Variants in UNC13C observed in about 807,000 individuals in gnomAD.
UNC13C encodes the protein protein unc-13 homolog C.
In UNC13C, 174 loss-of-function variants were observed where a neutral mutation model predicts 245.4. That is an observed-to-expected ratio of 0.71 (90% confidence interval 0.63 to 0.80). The LOEUF (loss-of-function observed/expected upper bound fraction) is 0.80, where lower values mean the gene tolerates loss of function less well. Among genes scored for constraint, UNC13C ranks in the 30% least tolerant of loss-of-function variants. The pLI is 0.00. For missense variants in UNC13C, 2,829 were observed against 2,602.9 expected (o/e 1.09, Z -1.89); for synonymous variants, 992 against 895.1 (o/e 1.11, Z -1.93).
chr15:54,369,505 C>T (rs1214415848), intron 17 of UNC13C, among the ~76,000 whole-genome samples: 4 of 151,986 alleles, frequency 2.6e-5, no homozygotes, highest in Admixed American at 2.6e-4. Context: ...AAAAATGCAC[C>T]ACAAATTTTA....
At chr15:54,558,004 G>A (rs58942353) in intron 29 of UNC13C, among the ~76,000 whole-genome samples, 3,389 of 151,840 alleles carry the variant, frequency 0.022, 144 homozygotes, top group African/African-American at 0.077. Context: ...TCGCAAGAAC[G>A]AAAAACCAAA....
the UNC13C span, among the ~76,000 whole-genome samples, chr15:53,965,028 CTAA>C: frequency 6.6e-6 from 1 of 152,138 alleles, no homozygotes; most frequent in Non-Finnish European, 1.5e-5. Flanking sequence ...TCTGATTATA[CTAA>C]TAAGTCCAAA....
chr15:54,473,614 C>T (rs1395335560), intron 19 of UNC13C, among the ~76,000 whole-genome samples: 1 of 151,900 alleles, frequency 6.6e-6, no homozygotes, highest in African/African-American at 2.4e-5. Context: ...GCTTATTTGA[C>T]ATCATATAAT....
chr15:54,138,826 C>G (rs978091348), intron 2 of UNC13C, among the ~76,000 whole-genome samples: 1 of 151,864 alleles, frequency 6.6e-6, no homozygotes, highest in Non-Finnish European at 1.5e-5. Flanking sequence ...CATACTCCCT[C>G]TGAAGGAACT....
the UNC13C span, among the ~76,000 whole-genome samples, chr15:53,893,053 T>C: frequency 6.6e-6 from 1 of 152,186 alleles, no homozygotes; most frequent in African/African-American, 2.4e-5. Flanking sequence ...AGATGGGGTC[T>C]TTGAGTAGAC....
intron 16 of UNC13C, among the ~76,000 whole-genome samples, chr15:54,337,039 G>T (rs1337842485): frequency 6.6e-6 from 1 of 152,124 alleles, no homozygotes; most frequent in Non-Finnish European, 1.5e-5. Context: ...CTTCAACTCT[G>T]TCCTTAGTTT....
chr15:54,238,854 T>C (rs188194141), intron 7 of UNC13C, among the ~76,000 whole-genome samples: 2 of 152,338 alleles, frequency 1.3e-5, no homozygotes, highest in African/African-American at 4.8e-5. Context: ...CAGGGATTCT[T>C]AAATCCGGCT....
chr15:53,945,359 GAGTTTTT>G, the UNC13C span, among the ~76,000 whole-genome samples: 1 of 152,140 alleles, frequency 6.6e-6, no homozygotes, highest in Non-Finnish European at 1.5e-5. Flanking sequence ...TTATCTTCTA[GAGTTTTT>G]ATAGTTTGGA....
chr15:54,184,374 G>A (rs992888348), intron 4 of UNC13C, among the ~76,000 whole-genome samples: 4 of 151,848 alleles, frequency 2.6e-5, no homozygotes, highest in African/African-American at 7.3e-5. Flanking sequence ...CCATTAACTC[G>A]TCATTTAGCA....
chr15:54,322,205 T>C, intron 14 of UNC13C, 110 bp downstream of exon 14: 1 of 1,104,958 alleles, frequency 9.1e-7, no homozygotes, highest in Non-Finnish European at 1.2e-6. Context: ...AAGGACATTT[T>C]AGGGAATAGC....
intron 30 of UNC13C, among the ~76,000 whole-genome samples, chr15:54,568,999 A>C (rs1449436031): frequency 6.6e-6 from 1 of 152,176 alleles, no homozygotes; most frequent in Admixed American, 6.6e-5. Flanking sequence ...AGTCGAGCTC[A>C]TGAGAGATTG....
At chr15:54,241,482 A>C (rs1405993345) in intron 7 of UNC13C, among the ~76,000 whole-genome samples, 1 of 152,176 alleles carries the variant, frequency 6.6e-6, no homozygotes, top group Non-Finnish European at 1.5e-5. Flanking sequence ...GAACAGGAAC[A>C]CTTTCAGGCC....
intron 19 of UNC13C, among the ~76,000 whole-genome samples, chr15:54,486,051 T>C (rs898660406): frequency 3.9e-5 from 6 of 152,144 alleles, no homozygotes; most frequent in Non-Finnish European, 7.3e-5. Context: ...CTTGTCACTA[T>C]ATTATAAGCT....
intron 19 of UNC13C, among the ~76,000 whole-genome samples, chr15:54,420,685 C>G (rs1372215106): frequency 1.3e-5 from 2 of 151,866 alleles, no homozygotes. Flanking sequence ...GTGGATAAAA[C>G]CATTTTTTTT....
intron 10 of UNC13C, among the ~76,000 whole-genome samples, chr15:54,286,568 A>G (rs975245978): frequency 2.6e-5 from 4 of 152,196 alleles, no homozygotes; most frequent in African/African-American, 4.8e-5. Flanking sequence ...AGAGCGATCC[A>G]TCTCATGATG....
At chr15:53,964,963 T>C in the UNC13C span, among the ~76,000 whole-genome samples, 1 of 152,146 alleles carries the variant, frequency 6.6e-6, no homozygotes, top group Non-Finnish European at 1.5e-5. Flanking sequence ...ATCTTTTAGG[T>C]AAGAAAATAC....
the UNC13C span, among the ~76,000 whole-genome samples, chr15:53,890,912 A>C: frequency 4.0e-5 from 6 of 151,648 alleles, no homozygotes; most frequent in African/African-American, 1.5e-4. Context: ...CTAGTTTTTG[A>C]ATTTATCTGC....
chr15:54,555,131 A>G (rs1897036003), intron 28 of UNC13C, among the ~76,000 whole-genome samples: 2 of 152,060 alleles, frequency 1.3e-5, no homozygotes, highest in South Asian at 2.1e-4. Flanking sequence ...GTCAGGTGAC[A>G]AAATTTCATC....
chr15:53,955,929 G>C, the UNC13C span: 1 of 152,154 alleles, frequency 6.6e-6, no homozygotes, highest in Non-Finnish European at 1.5e-5. Flanking sequence ...AATCAACCTA[G>C]GTTCCCATCA....
Sources: allele counts gnomAD v4.1 joint callset (sites outside exome capture counted in the v4.1 genomes callset), GRCh38; gene constraint gnomAD v4.1.1; transcripts MANE v1.5; gene names NCBI Gene and HGNC (gene_info 2026-07-23, HGNC 2026-07-21).